The following FRMD4A variants were observed in gnomAD, a reference collection of about 807,000 sequenced individuals.
The protein encoded by FRMD4A is FERM domain containing 4A, also known as FERM domain-containing protein 4A.
A neutral mutation model predicts 129.1 loss-of-function variants in FRMD4A; 29 were observed. That is an observed-to-expected ratio of 0.22 (90% confidence interval 0.17 to 0.31). The LOEUF (loss-of-function observed/expected upper bound fraction) is 0.31. FRMD4A is among the 10% of genes least tolerant of loss of function. The probability of loss-of-function intolerance (pLI) is 1.00; values close to 1 mark genes in which losing one functional copy is unlikely to be tolerated. For synonymous variants in FRMD4A, 634 were observed against 571.6 expected (o/e 1.11, Z -1.56); for missense variants, 1,272 against 1,375.8 (o/e 0.92, Z 1.19).
At chr10:13,727,519 T>TTCCG (rs2089987032) in intron 12 of FRMD4A, among the ~76,000 whole-genome samples, 1 of 152,134 alleles carries the variant, frequency 6.6e-6, no homozygotes, top group Non-Finnish European at 1.5e-5. Flanking sequence ...GAGTTTCGTC[T>TTCCG]AGGTTGAGGG....
intron 2 of FRMD4A, among the ~76,000 whole-genome samples, chr10:13,967,095 C>T (rs575597542): frequency 2.0e-5 from 3 of 152,124 alleles, no homozygotes; most frequent in Non-Finnish European, 2.9e-5. Flanking sequence ...CCCAGCACTT[C>T]GGAGGCCGAG....
intron 3 of FRMD4A, among the ~76,000 whole-genome samples, chr10:13,825,719 TCTC>T (rs1471660911): frequency 1.3e-5 from 2 of 152,122 alleles, no homozygotes; most frequent in Non-Finnish European, 2.9e-5. Flanking sequence ...CAGCATGAGA[TCTC>T]CTCATGCTAC....
intron 2 of FRMD4A, among the ~76,000 whole-genome samples, chr10:14,102,337 G>T (rs1476816216): frequency 6.6e-6 from 1 of 152,214 alleles, no homozygotes; most frequent in South Asian, 2.1e-4. Context: ...AACCAGCCTG[G>T]CCACCATAGT....
chr10:14,071,909 G>A (rs1379489205), intron 2 of FRMD4A, among the ~76,000 whole-genome samples: 1 of 152,126 alleles, frequency 6.6e-6, no homozygotes, highest in Non-Finnish European at 1.5e-5. Flanking sequence ...GGAGGTGGTA[G>A]GAAGGGTTTC....
chr10:13,670,583 G>A, intron 16 of FRMD4A, 55 bp from the exon 17 acceptor site: 3 of 1,592,868 alleles, frequency 1.9e-6, no homozygotes, highest in Non-Finnish European at 2.6e-6. Flanking sequence ...GGGCGTGTCT[G>A]CTTCCTAGAA....
At chr10:13,980,082 C>G (rs2095555414) in intron 2 of FRMD4A, among the ~76,000 whole-genome samples, 1 of 152,222 alleles carries the variant, frequency 6.6e-6, no homozygotes, top group South Asian at 2.1e-4. Flanking sequence ...AACATCCCTG[C>G]TGGAGGGCAG....
intron 2 of FRMD4A, among the ~76,000 whole-genome samples, chr10:13,951,623 C>T (rs1231049997): frequency 1.3e-5 from 2 of 152,056 alleles, no homozygotes; most frequent in African/African-American, 2.4e-5. Context: ...GGCGTGGTGG[C>T]TCATGCCTGT....
chr10:14,102,905 C>T (rs1456910168), intron 2 of FRMD4A, among the ~76,000 whole-genome samples: 1 of 152,140 alleles, frequency 6.6e-6, no homozygotes, highest in African/African-American at 2.4e-5. Context: ...AATTAGCTCT[C>T]AGTTATATCT....
intron 15 of FRMD4A, chr10:13,693,378 C>G: frequency 2.7e-6 from 1 of 372,624 alleles, no homozygotes; most frequent in Non-Finnish European, 4.1e-6. Context: ...GACGACGGAA[C>G]CAGATCTCTG....
chr10:13,701,217 G>T lies in FRMD4A; in HGVS notation c.975+123C>A, dbSNP rs902639059. The T allele has an allele frequency of 1.7e-5, 14 of 816,356 alleles. 1 individual carries two copies. The Admixed American group carries it at 2.2e-4, about 13-fold the overall frequency. 50.6% of individuals were successfully genotyped at this position (816,356 alleles called of 1,614,324 possible). A position where few individuals can be genotyped will look rare whatever the true frequency, so the allele number is the denominator to read the frequency against. On this transcript the variant is annotated intron_variant, in intron 14 of 24. Coordinates refer to ENST00000357447, the MANE Select transcript of FRMD4A (RefSeq NM_018027.5). ...ATCTGTAGCCCTAAGAGGCAAGCCT[G>T]TATCTGTGCAAGGTATGGACCCGGG...
chr10:13,800,520 T>C (rs1359290379), intron 4 of FRMD4A, among the ~76,000 whole-genome samples: 1 of 152,118 alleles, frequency 6.6e-6, no homozygotes, highest in Non-Finnish European at 1.5e-5. Context: ...GCTCAAAGAA[T>C]AAGGAGGACC....
intron 4 of FRMD4A, among the ~76,000 whole-genome samples, chr10:13,801,700 A>G (rs2093258006): frequency 6.6e-6 from 1 of 152,224 alleles, no homozygotes; most frequent in South Asian, 2.1e-4. Flanking sequence ...TTTTGGCTGG[A>G]GCACTTGTTA....
In FRMD4A at chr10:13,972,200, G is replaced by A. The variant is rs1045404269; in HGVS notation, c.46-113288C>T. ...ACCTCAGACCCAGAAGCACCACCGA[G>A]TGTTGGGATCCCCTCCAGGGTGAGA... is the stretch of plus-strand genomic sequence containing the variant. On this transcript the variant is annotated intron_variant, in intron 2 of 24. Coordinates refer to ENST00000357447, the MANE Select transcript of FRMD4A (RefSeq NM_018027.5). 3.9e-6 allele frequency: 4 copies of A among 1,018,200 alleles called. No homozygotes were observed. The Admixed American group carries it at 2.0e-4, about 51-fold the overall frequency. The allele number at this position is 1,018,200 out of a possible 1,614,324, so 63.1% of individuals were successfully genotyped here.
intron 14 of FRMD4A, among the ~76,000 whole-genome samples, chr10:13,701,060 C>T (rs2134872781): frequency 6.6e-6 from 1 of 152,136 alleles, no homozygotes; most frequent in East Asian, 1.9e-4. Context: ...GGGCCAAAAG[C>T]ACAGTGGGAA....
At chr10:13,789,558 C>CCACACACACACACA (rs3220780) in intron 5 of FRMD4A, among the ~76,000 whole-genome samples, 9 of 144,792 alleles carry the variant, frequency 6.2e-5, no homozygotes, top group African/African-American at 2.0e-4. Flanking sequence ...TATGAAAAGA[C>CCACACACACACACA]CACACACACA....
intron 2 of FRMD4A, among the ~76,000 whole-genome samples, chr10:13,954,081 A>G (rs1207947474): frequency 6.6e-6 from 1 of 152,212 alleles, no homozygotes; most frequent in African/African-American, 2.4e-5. Context: ...CAGGGCAGAA[A>G]CAGACCAAAG....
chr10:14,330,250 T>G (rs889146702), intron 1 of FRMD4A, 67 bp from the exon 2 acceptor site: 139 of 732,496 alleles, frequency 1.9e-4, no homozygotes, highest in Non-Finnish European at 2.9e-4. Context: ...TAGGCCACCT[T>G]TCACACAGGG....
intron 3 of FRMD4A, among the ~76,000 whole-genome samples, chr10:13,825,368 C>T (rs763744520): frequency 2.0e-5 from 3 of 152,172 alleles, no homozygotes; most frequent in African/African-American, 4.8e-5. Flanking sequence ...AGTACTGGTC[C>T]GTGGCCTGTT....
chr10:14,240,712 A>T (rs539320759), intron 2 of FRMD4A, among the ~76,000 whole-genome samples: 2 of 152,242 alleles, frequency 1.3e-5, no homozygotes, highest in Admixed American at 1.3e-4. Context: ...CCTTCCACAC[A>T]GGCAGTGAAA....
Sources: allele counts gnomAD v4.1 joint callset (sites outside exome capture counted in the v4.1 genomes callset), GRCh38; gene constraint gnomAD v4.1.1; transcripts MANE v1.5; gene names NCBI Gene and HGNC (gene_info 2026-07-23, HGNC 2026-07-21).